GLA: variants seen among roughly 807,000 people sequenced by gnomAD.
GLA encodes the protein alpha-galactosidase A.
GLA carries 4 observed loss-of-function variants against 28.2 expected under a neutral mutation model. The ratio of observed to expected loss-of-function variants is 0.14; its 90% CI spans 0.07 to 0.32. GLA has a LOEUF of 0.32. GLA is among the 10% of genes least tolerant of loss of function. GLA has a pLI of 1.00. For missense variants in GLA, 203 were observed against 323.7 expected (o/e 0.63, Z 2.86); for synonymous variants, 94 against 113.0 (o/e 0.83, Z 1.07).
chrX:101,403,941 C>G lies in GLA; in HGVS notation c.239G>C (p.Gly80Ala), dbSNP rs781838005. 1 of 1,208,979 alleles carries G rather than the reference C, an allele frequency of 8.3e-7. No individual in the cohort carries two copies. Among genetic ancestry groups the G allele is most frequent in the East Asian group, 3.0e-5 (1 of 33,804 alleles). The change falls in exon 2 of 7, where the codon GGC (glycine) becomes GCC (alanine). Residue 80 changes from glycine (G) to alanine (A), a missense_variant. Coordinates refer to ENST00000218516, the MANE Select transcript of GLA (RefSeq NM_000169.3). ...MEMAELMVSE[G>A]WKDAGYEYLC... ...GTACTCATAACCTGCATCCTTCCAG[C>G]CTTCTGAGACCATGAGCTCTGCCAT...
In GLA at chrX:101,397,861, A is replaced by G; in HGVS notation, c.1238T>C (p.Val413Ala). Residue 413 changes from valine (V) to alanine (A), a missense_variant, in exon 7 of 7, where the codon GTT becomes GCT. Physicochemically the swap from Val to Ala is moderately conservative, Grantham distance 64. This residue lies in a region of GLA where 162 missense variants were observed against 246.8 expected (regional missense o/e 0.66). Transcript: ENST00000218516. Reference sequence around the variant, plus strand: ...CATTGTATTTTCTAGCTGAAGCAAAACAGTGCCTGTGGGATTTATGTGACT... The same window carrying G: ...CATTGTATTTTCTAGCTGAAGCAAAGCAGTGCCTGTGGGATTTATGTGACT... ...LRSHINPTGT[V>A]LLQLENTMQM... The G allele has an allele frequency of 1.7e-6, 2 of 1,207,692 alleles. No homozygotes were observed. Among genetic ancestry groups the G allele is most frequent in the Non-Finnish European group, 1.1e-6 (1 of 891,327 alleles).
rs376623208 is a variant in GLA, at chrX:101,398,385, C to A, written c.984G>T (p.Gly328=). The A allele has an allele frequency of 5.0e-6, 6 of 1,202,034 alleles. No homozygotes were observed. The Admixed American group carries it at 6.6e-5, about 13-fold the overall frequency. Residue 328 remains glycine, a synonymous_variant, in exon 6 of 7, where the codon GGG becomes GGT. Coordinates refer to ENST00000218516, the MANE Select transcript of GLA (RefSeq NM_000169.3). ...AINQDPLGKQ[G]YQLRQGDNFE... The stretch of plus-strand genomic sequence containing the variant: ...TCTTATTTACCTGTCTAAGCTGGTA[C>A]CCTTGCTTGCCCAAGGGGTCCTGAT...
Position 101,400,224 on chromosome X carries a change from A to C in GLA, c.639+442T>G, listed in dbSNP as rs73250686. Among the ~76,000 whole-genome samples the C allele has an allele frequency of 1.9e-3, 213 of 110,717 alleles. 1 individual carries two copies. Among genetic ancestry groups the C allele is most frequent in the African/African-American group, 5.0e-3 (152 of 30,218 alleles). ...CAGGGTTTTTTTCTTTAAAAAAAAA[A>C]CTGATATTTACATTTTAATATGATA... is the stretch of plus-strand genomic sequence containing the variant. On this transcript the variant is annotated intron_variant, in intron 4 of 6. Transcript: ENST00000218516.
Position 101,401,621 on chromosome X carries a change from T to C in GLA, c.547+11A>G, listed in dbSNP as rs1266754976. The C allele has an allele frequency of 8.3e-7, 1 of 1,200,855 alleles. No individual in the cohort carries two copies. Among genetic ancestry groups the C allele is most frequent in the African/African-American group, 1.8e-5 (1 of 56,931 alleles). On this transcript the variant is annotated intron_variant, in intron 3 of 6. Transcript: ENST00000218516. Reference sequence around the variant, plus strand: ...TTCCTTTGTGGCTAAATCTCTGGAATGAAACATTACCATCTGCCAAATTTT... The same window carrying C: ...TTCCTTTGTGGCTAAATCTCTGGAACGAAACATTACCATCTGCCAAATTTT...
In GLA at chrX:101,398,499, C is replaced by G. The variant is rs869312438; in HGVS notation, c.870G>C (p.Met290Ile). Residue 290 changes from methionine (M) to isoleucine (I), a missense_variant, in exon 6 of 7, where the codon ATG (methionine) becomes ATC (isoleucine). Around this residue, in one of 3 missense-constraint regions of GLA, gnomAD observed 162 missense variants for 246.8 expected, o/e 0.66. Transcript: ENST00000218516. ...CATTAGACATGAATAAAGGAGCAGCCATGATAGCCCAGAGGGCCATCTGAG... is the reference window on the plus strand; with the variant it reads ...CATTAGACATGAATAAAGGAGCAGCGATGATAGCCCAGAGGGCCATCTGAG... The part of the protein sequence containing the change: ...QVTQMALWAI[M>I]AAPLFMSNDL... 1.7e-6 allele frequency: 2 copies of G among 1,205,730 alleles called. No individual in the cohort carries two copies. Among genetic ancestry groups the G allele is most frequent in the Admixed American group, 2.2e-5 (1 of 45,731 alleles).
At chrX:101,400,581 G>C in intron 4 of GLA, 85 bp downstream of exon 4, 1 of 550,978 alleles carries the variant, frequency 1.8e-6, no homozygotes, top group Middle Eastern at 3.8e-4. Flanking sequence ...AGTAACGTTG[G>C]ACTTTGAAGG....
Position 101,398,098 on chromosome X carries a change from C to T in GLA, c.1001G>A (p.Gly334Glu), listed in dbSNP as rs782690996. 3 of 1,208,750 alleles carry T rather than the reference C, an allele frequency of 2.5e-6. No homozygotes were observed. In the Admixed American group the frequency reaches 6.5e-5, roughly 26 times the overall value. ...LGKQGYQLRQ[G>E]DNFEVWERPL... ...TCGTTCCCACACTTCAAAGTTGTCT[C>T]CCTGAAAAACCAAGAAAGTGTGGTT... Residue 334 changes from glycine (G) to glutamate (E), a missense_variant and splice_region_variant, in exon 7 of 7, where the codon GGA becomes GAA. Gly to Glu is a moderately conservative substitution (Grantham distance 98, BLOSUM62 -2). Transcript: ENST00000218516.
Position 101,407,898 on chromosome X carries a change from C to T in GLA, c.6G>A (p.Gln2=), listed in dbSNP as rs782748047. 3.9e-5 allele frequency: 47 copies of T among 1,207,723 alleles called. No individual in the cohort carries two copies. Among genetic ancestry groups the T allele is most frequent in the Admixed American group, 1.1e-4 (5 of 45,864 alleles). ...CCAGATGTAGTTCTGGGTTCCTCAG[C>T]TGCATTGTCACGGTGACCGGACAGC... M[Q]LRNPELHLGC... The change falls in exon 1 of 7, where the codon CAG becomes CAA. Residue 2 remains glutamine (Q), a synonymous_variant. Coordinates refer to ENST00000218516, the MANE Select transcript of GLA (RefSeq NM_000169.3).
Position 101,403,792 on chromosome X carries a change from A to G in GLA, c.369+19T>C. 8.4e-7 allele frequency: 1 copy of G among 1,196,128 alleles called. No individual in the cohort carries two copies. Among genetic ancestry groups the G allele is most frequent in the Non-Finnish European group, 1.1e-6 (1 of 881,094 alleles). Reference sequence around the variant, plus strand: ...CTTACAGTCCTCTGAATGAACAAGAACATTATCTATAAACTCACATAATTA... The same window carrying G: ...CTTACAGTCCTCTGAATGAACAAGAGCATTATCTATAAACTCACATAATTA... On this transcript the variant is annotated intron_variant, in intron 2 of 6. Transcript: ENST00000218516.
chrX:101,403,126 C>T (rs1286783168), intron 2 of GLA, among the ~76,000 whole-genome samples: 1 of 108,220 alleles, frequency 9.2e-6, no homozygotes, highest in Non-Finnish European at 1.9e-5. Context: ...GGTGAAACCC[C>T]GTCTCTACTA....
chrX:101,398,573 A>T lies in GLA; in HGVS notation c.802-6T>A. 1 of 1,187,780 alleles carries T rather than the reference A, an allele frequency of 8.4e-7. No individual in the cohort carries two copies. The highest frequency in any genetic ancestry group is 2.4e-4 in the Middle Eastern group (1 of 4,184). The stretch of plus-strand genomic sequence containing the variant: ...CCAAAGTTGCCAATCACTAACTGAG[A>T]AAAAGAATGAAATAATTCAAACAAG... On this transcript the variant is annotated splice_region_variant and splice_polypyrimidine_tract_variant and intron_variant, in intron 5 of 6. Coordinates refer to ENST00000218516, the MANE Select transcript of GLA (RefSeq NM_000169.3).
At chrX:101,400,581 G>A (rs1251742510) in intron 4 of GLA, 85 bp downstream of exon 4, 6 of 550,925 alleles carry the variant, frequency 1.1e-5, no homozygotes, top group Non-Finnish European at 1.9e-5. Context: ...AGTAACGTTG[G>A]ACTTTGAAGG....
intron 6 of GLA, 49 bp downstream of exon 6, chrX:101,398,321 G>T: frequency 1.0e-6 from 1 of 960,032 alleles, no homozygotes; most frequent in Non-Finnish European, 1.5e-6. Flanking sequence ...CCAAGACAAA[G>T]TTGGTATTGG....
chrX:101,402,316 A>C (rs782400629), intron 2 of GLA, among the ~76,000 whole-genome samples: 1 of 111,795 alleles, frequency 8.9e-6, no homozygotes, highest in African/African-American at 3.2e-5. Flanking sequence ...AAGTACATGA[A>C]GCTTTAGCAA....
chrX:101,405,236 C>CAAAAAAAAA (rs11448515), intron 1 of GLA, among the ~76,000 whole-genome samples: 28 of 35,296 alleles, frequency 7.9e-4, no homozygotes, highest in East Asian at 2.1e-3. Context: ...AACTCCAGCT[C>CAAAAAAAAA]AAAAAAAAAA....
At chrX:101,404,566 C>CTTTTTTTTTTTTTTTTTTTTTTTTTTT (rs1171364737) in intron 1 of GLA, among the ~76,000 whole-genome samples, 1 of 79,215 alleles carries the variant, frequency 1.3e-5, no homozygotes, top group Non-Finnish European at 2.3e-5. Flanking sequence ...TCCTTTTTAT[C>CTTTTTTTTTTTTTTTTTTTTTTTTTTT]TTTTTTTTTT....
rs397515872 is a variant in GLA, at chrX:101,398,872, A to G, written c.714T>C (p.Ser238=). The stretch of plus-strand genomic sequence containing the variant: ...ATGTCCAGTCCAAGATACTCTTTAT[A>G]CTTTTCCAGGAATCATCAATGTCAG... ...NFADIDDSWK[S]IKSILDWTSF... is the part of the protein sequence containing the mutation. Residue 238 remains serine, a synonymous_variant, in exon 5 of 7, where the codon AGT becomes AGC. Transcript: ENST00000218516. The G allele has an allele frequency of 1.5e-5, 18 of 1,206,302 alleles. 1 individual carries two copies. The highest frequency in any genetic ancestry group is 6.6e-5 in the Admixed American group (3 of 45,789).
Position 101,400,738 on chromosome X carries a change from C to T in GLA, c.567G>A (p.Leu189=). The change falls in exon 4 of 7, where the codon TTG becomes TTA. Residue 189 remains leucine, a synonymous_variant. Transcript: ENST00000218516. ...NLADGYKHMS[L]ALNRTGRSIV... The stretch of plus-strand genomic sequence containing the variant: ...TGCTTCTGCCAGTCCTATTCAGGGC[C>T]AAGGACATGTGCTTATAACCTGTAT... The T allele has an allele frequency of 8.6e-7, 1 of 1,163,481 alleles. No homozygotes were observed. Among genetic ancestry groups the T allele is most frequent in the Non-Finnish European group, 1.2e-6 (1 of 851,875 alleles).
At position 101,398,950 on chromosome X, in the gene GLA, T is replaced by G. The variant is rs1060500748; in HGVS notation, c.640-4A>C. 4.2e-6 allele frequency: 5 copies of G among 1,195,311 alleles called. No homozygotes were observed. Among genetic ancestry groups the G allele is most frequent in the African/African-American group, 3.5e-5 (2 of 57,054 alleles). On this transcript the variant is annotated splice_polypyrimidine_tract_variant and splice_region_variant and intron_variant, in intron 4 of 6. Coordinates refer to ENST00000218516, the MANE Select transcript of GLA (RefSeq NM_000169.3). Reference sequence around the variant, plus strand: ...GTCGGATTTCTGTATAATTGGGCTGTGAAAACAGATATGACTCTTCTGTTT... The same window carrying G: ...GTCGGATTTCTGTATAATTGGGCTGGGAAAACAGATATGACTCTTCTGTTT...
Sources: gnomAD v4.1 joint callset for allele counts (sites outside exome capture counted in the v4.1 genomes callset) on GRCh38, gnomAD v4.1.1 for gene constraint, gnomAD v4.1.1 regional missense constraint, MANE v1.5 for transcripts, NCBI Gene and HGNC (gene_info 2026-07-23, HGNC 2026-07-21) for gene names.